The following MACROD2 variants were observed in gnomAD, a reference collection of about 807,000 sequenced individuals.
MACROD2 encodes ADP-ribose glycohydrolase MACROD2.
A neutral mutation model predicts 70.4 loss-of-function variants in MACROD2; 36 were observed. The observed-to-expected ratio is 0.51, with a 90% CI of 0.39 to 0.68. The LOEUF is 0.68. Ranked by LOEUF, MACROD2 falls within the 30% of genes least tolerant of loss-of-function variation. The probability of loss-of-function intolerance (pLI) is 0.00; values close to 1 mark genes in which losing one functional copy is unlikely to be tolerated. For missense variants in MACROD2, 496 were observed against 538.4 expected (o/e 0.92, Z 0.78); for synonymous variants, 172 against 178.8 (o/e 0.96, Z 0.30).
intron 3 of MACROD2, among the ~76,000 whole-genome samples, chr20:14,425,672 C>T (rs1307868717): frequency 6.6e-6 from 1 of 152,190 alleles, no homozygotes; most frequent in East Asian, 1.9e-4. Flanking sequence ...TTCTGACCTC[C>T]TGTCCTGTGA....
chr20:14,017,289 C>G (rs565134157), intron 2 of MACROD2, among the ~76,000 whole-genome samples: 2 of 152,154 alleles, frequency 1.3e-5, no homozygotes, highest in South Asian at 4.1e-4. Flanking sequence ...TTACATCTTC[C>G]TTTCTAGTTT....
rs191555166 is a variant in MACROD2 at position 14,730,623 on chromosome 20, C to T, written c.418+45664C>T. ...CAGACCCTTCCAGAAGGAATTTCTACGTTATGCACTTCAAGAAGAGAATCC... is the reference window on the plus strand; with the variant it reads ...CAGACCCTTCCAGAAGGAATTTCTATGTTATGCACTTCAAGAAGAGAATCC... On this transcript the variant is annotated intron_variant, in intron 5 of 17. Transcript: ENST00000684519. Among the ~76,000 whole-genome samples the T allele has an allele frequency of 6.4e-4, 97 of 152,152 alleles. 1 individual carries two copies. The highest frequency in any genetic ancestry group is 9.0e-4 in the Non-Finnish European group (61 of 67,994).
chr20:15,311,216 A>G (rs941631338), intron 6 of MACROD2, among the ~76,000 whole-genome samples: 22 of 152,212 alleles, frequency 1.4e-4, no homozygotes, highest in African/African-American at 5.3e-4. Flanking sequence ...AATGATGAAA[A>G]AAAAGGCATA....
intron 5 of MACROD2, among the ~76,000 whole-genome samples, chr20:15,006,644 G>A (rs2075040326): frequency 6.6e-6 from 1 of 151,936 alleles, no homozygotes; most frequent in Admixed American, 6.6e-5. Flanking sequence ...TCTACAAGCT[G>A]AAAAAAATAC....
At chr20:15,863,715 G>A (rs562565161) in intron 9 of MACROD2, among the ~76,000 whole-genome samples, 3 of 152,218 alleles carry the variant, frequency 2.0e-5, no homozygotes, top group Admixed American at 2.0e-4. Context: ...TGGAGTGAAT[G>A]AAGGGTGCTG....
chr20:14,638,350 A>G (rs1984897698), intron 4 of MACROD2, among the ~76,000 whole-genome samples: 1 of 152,116 alleles, frequency 6.6e-6, no homozygotes, highest in Non-Finnish European at 1.5e-5. Flanking sequence ...AAGTCTTTTA[A>G]ACAGTCCTGG....
chr20:14,928,714 A>G (rs1191723551), intron 5 of MACROD2, among the ~76,000 whole-genome samples: 1 of 152,186 alleles, frequency 6.6e-6, no homozygotes, highest in Non-Finnish European at 1.5e-5. Flanking sequence ...GCTCTGAAGG[A>G]TGTCTACATG....
At chr20:14,730,490 A>C (rs1488802649) in intron 5 of MACROD2, among the ~76,000 whole-genome samples, 1 of 152,142 alleles carries the variant, frequency 6.6e-6, no homozygotes, top group Non-Finnish European at 1.5e-5. Flanking sequence ...AAAGCTTCAG[A>C]GTGCTGGGAA....
chr20:14,530,047 A>C (rs1340260374), intron 4 of MACROD2, among the ~76,000 whole-genome samples: 4 of 152,188 alleles, frequency 2.6e-5, no homozygotes, highest in Admixed American at 6.5e-5. Flanking sequence ...GGGTGACCGA[A>C]GCTCATTGCC....
chr20:15,995,716 T>C (rs2066621857), intron 15 of MACROD2, among the ~76,000 whole-genome samples: 1 of 146,754 alleles, frequency 6.8e-6, no homozygotes, highest in East Asian at 2.0e-4. Flanking sequence ...AGTGTTTGTC[T>C]GTGTCTTATT....
At chr20:14,423,285 A>T (rs6074733) in intron 3 of MACROD2, among the ~76,000 whole-genome samples, 67,450 of 151,430 alleles carry the variant, frequency 0.45, 15,612 homozygotes, top group Non-Finnish European at 0.51. Context: ...TAATTAGGCA[A>T]TTGCTTGTTT....
At chr20:14,417,010 C>T (rs1198126725) in intron 3 of MACROD2, among the ~76,000 whole-genome samples, 1 of 152,020 alleles carries the variant, frequency 6.6e-6, no homozygotes, top group Non-Finnish European at 1.5e-5. Context: ...CACACAGACA[C>T]CACACACACA....
intron 3 of MACROD2, among the ~76,000 whole-genome samples, chr20:14,481,128 T>A (rs1194116072): frequency 6.6e-6 from 1 of 152,134 alleles, no homozygotes; most frequent in Non-Finnish European, 1.5e-5. Context: ...TATTTTGCAA[T>A]AAGCATATAA....
At chr20:14,977,926 CA>C (rs2074756837) in intron 5 of MACROD2, among the ~76,000 whole-genome samples, 1 of 151,904 alleles carries the variant, frequency 6.6e-6, no homozygotes, top group Non-Finnish European at 1.5e-5. Context: ...TTTTAGAAAA[CA>C]AACACCATTC....
At chr20:14,771,770 A>G (rs1315867539) in intron 5 of MACROD2, among the ~76,000 whole-genome samples, 1 of 151,644 alleles carries the variant, frequency 6.6e-6, no homozygotes, top group Non-Finnish European at 1.5e-5. Flanking sequence ...ACACATACAC[A>G]TATGGTGTAT....
At chr20:14,348,934 G>A (rs1306193558) in intron 3 of MACROD2, among the ~76,000 whole-genome samples, 1 of 152,032 alleles carries the variant, frequency 6.6e-6, no homozygotes, top group African/African-American at 2.4e-5. Context: ...TGGGCATGGT[G>A]GTACATGCCT....
At chr20:15,887,334 T>C (rs1006052089) in intron 10 of MACROD2, among the ~76,000 whole-genome samples, 4 of 152,166 alleles carry the variant, frequency 2.6e-5, no homozygotes, top group African/African-American at 9.6e-5. Flanking sequence ...TAAGGTTTCC[T>C]TGGACTTCCA....
intron 15 of MACROD2, among the ~76,000 whole-genome samples, chr20:16,013,193 C>A: frequency 6.6e-6 from 1 of 151,794 alleles, no homozygotes; most frequent in East Asian, 1.9e-4. Context: ...AAAAAGAGAG[C>A]TAGAAAGTTA....
chr20:15,569,771 G>A (rs1300118508), intron 8 of MACROD2, among the ~76,000 whole-genome samples: 1 of 152,162 alleles, frequency 6.6e-6, no homozygotes, highest in Admixed American at 6.5e-5. Flanking sequence ...AAGCAACCGT[G>A]CCGACATACA....
Sources: allele counts gnomAD v4.1 joint callset (sites outside exome capture counted in the v4.1 genomes callset), GRCh38; gene constraint gnomAD v4.1.1; transcripts MANE v1.5; gene names NCBI Gene and HGNC (gene_info 2026-07-23, HGNC 2026-07-21).